Variants in SH2B2 observed in about 807,000 individuals in gnomAD.
The protein encoded by SH2B2 is SH2B adapter protein 2.
A neutral mutation model predicts 35.7 loss-of-function variants in SH2B2; 37 were observed. The ratio of observed to expected loss-of-function variants is 1.04; its 90% CI spans 0.80 to 1.36. The LOEUF is 1.36. Ranked by LOEUF, SH2B2 falls within the 40% of genes most tolerant of loss-of-function variation. The probability of loss-of-function intolerance (pLI) is 0.00; values close to 1 mark genes in which losing one functional copy is unlikely to be tolerated. For missense variants in SH2B2, 852 were observed against 817.7 expected (o/e 1.04, Z -0.51); for synonymous variants, 383 against 376.4 (o/e 1.02, Z -0.20).
intron 1 of SH2B2, among the ~76,000 whole-genome samples, chr7:102,288,581 A>G (rs782647867): frequency 7.2e-5 from 11 of 152,066 alleles, no homozygotes; most frequent in Non-Finnish European, 1.3e-4. Context: ...CTTAGCGTGA[A>G]TCTCCTAGGG....
chr7:102,305,890 TTTC>T (rs1265035584), intron 2 of SH2B2, among the ~76,000 whole-genome samples: 1 of 144,278 alleles, frequency 6.9e-6, no homozygotes, highest in African/African-American at 2.8e-5. Flanking sequence ...CTTTTTTTTT[TTTC>T]TTTTTTTTTT....
chr7:102,287,832 C>T (rs1792515343), intron 1 of SH2B2, among the ~76,000 whole-genome samples: 1 of 152,180 alleles, frequency 6.6e-6, no homozygotes, highest in Non-Finnish European at 1.5e-5. Context: ...GAAGTGGGGG[C>T]CTTCAGGGAG....
intron 3 of SH2B2, 44 bp from the exon 4 acceptor site, chr7:102,308,771 A>G (rs782238254): frequency 2.8e-6 from 4 of 1,453,484 alleles, no homozygotes; most frequent in Non-Finnish European, 3.9e-6. Flanking sequence ...TCTGGAGCCC[A>G]TCTGCTGACC....
intron 1 of SH2B2, among the ~76,000 whole-genome samples, chr7:102,299,758 G>A (rs1055126197): frequency 1.5e-4 from 23 of 152,206 alleles, no homozygotes; most frequent in African/African-American, 4.8e-4. Flanking sequence ...CACTGAGGAA[G>A]TGAGGTCACC....
chr7:102,319,160 C>G (rs147346935), intron 7 of SH2B2, among the ~76,000 whole-genome samples: 1,992 of 152,340 alleles, frequency 0.013, 14 homozygotes, highest in Middle Eastern at 0.041. Context: ...ACTCTTTCCA[C>G]CTTCACAGAA....
chr7:102,285,259 G>A, upstream of SH2B2: 2 of 1,549,460 alleles, frequency 1.3e-6, no homozygotes, highest in Non-Finnish European at 1.7e-6. Context: ...TCTGAACCAG[G>A]TTAGTCCACC....
intron 1 of SH2B2, 71 bp downstream of exon 1, chr7:102,287,165 C>T (rs1346709628): frequency 6.6e-6 from 1 of 152,224 alleles, no homozygotes; most frequent in Non-Finnish European, 1.5e-5. Context: ...TCCCCGGGGA[C>T]GTGCGCTGTG....
At position 102,301,073 on chromosome 7, in the gene SH2B2, T is replaced by C; in HGVS notation, c.523T>C (p.Trp175Arg). ...GCGCACCGCCGAGCCCCGCGACAAG[T>C]GGACGCGGCGCCTGAGGCTGTCGCG... ...APRTAEPRDKWTRRLRLSRTL... is the reference protein window; with the variant it reads ...APRTAEPRDKRTRRLRLSRTL... Residue 175 changes from tryptophan to arginine, a missense_variant, in exon 2 of 9, where the codon TGG becomes CGG. Trp to Arg is a moderately radical substitution (Grantham distance 101). Coordinates refer to ENST00000444095, the MANE Select transcript of SH2B2 (RefSeq NM_001359228.2). 1.4e-6 allele frequency: 2 copies of C among 1,391,436 alleles called. No homozygotes were observed. Among genetic ancestry groups the C allele is most frequent in the East Asian group, 3.0e-5 (1 of 32,922 alleles). The allele number at this position is 1,391,436 out of a possible 1,614,324, so 86.2% of individuals were successfully genotyped here. A position where few individuals can be genotyped will look rare whatever the true frequency, so the allele number is the denominator to read the frequency against.
rs1554550975 is a variant in SH2B2, at chr7:102,286,939, G to C, written c.-185G>C. The C allele has an allele frequency of 2.7e-5, 4 of 149,288 alleles. No individual in the cohort carries two copies. The highest frequency in any genetic ancestry group is 4.1e-4 in the South Asian group (2 of 4,824). The allele number at this position is 149,288 out of a possible 1,614,324, so 9.2% of individuals were successfully genotyped here. Reference sequence around the variant, plus strand: ...GAGAGCCGCGCGGGGGACGCGCCGGGACCGCGAGGAGCGCAGGAGCCTTCG... The same window carrying C: ...GAGAGCCGCGCGGGGGACGCGCCGGCACCGCGAGGAGCGCAGGAGCCTTCG... On this transcript the variant is annotated 5_prime_UTR_variant, in exon 1 of 9. Transcript: ENST00000444095.
Position 102,306,755 on chromosome 7 carries a change from C to T in SH2B2, c.764C>T (p.Ala255Val). The stretch of plus-strand genomic sequence containing the variant: ...CCCAAGGTCAGCATCCCACTGTCAG[C>T]CATCATTGAGGTCCGCACCACCATG... Reference protein sequence around the residue: ...SRPKVSIPLSAIIEVRTTMPL... With the variant: ...SRPKVSIPLSVIIEVRTTMPL... Residue 255 changes from alanine to valine, a missense_variant, in exon 3 of 9, where the codon GCC becomes GTC. Ala to Val is a moderately conservative substitution (Grantham distance 64, BLOSUM62 0). Coordinates refer to ENST00000444095, the MANE Select transcript of SH2B2 (RefSeq NM_001359228.2). 6.2e-7 allele frequency: 1 copy of T among 1,600,740 alleles called. No individual in the cohort carries two copies. Among genetic ancestry groups the T allele is most frequent in the East Asian group, 2.3e-5 (1 of 44,240 alleles).
At chr7:102,308,005 A>AG (rs1382310915) in intron 3 of SH2B2, among the ~76,000 whole-genome samples, 2 of 152,160 alleles carry the variant, frequency 1.3e-5, no homozygotes, top group Admixed American at 1.3e-4. Flanking sequence ...TCCTGAGCTC[A>AG]GGAGATCTGC....
Position 102,314,628 on chromosome 7 carries a change from T to C in SH2B2, c.1132T>C (p.Phe378Leu). The C allele has an allele frequency of 2.5e-6, 1 of 398,578 alleles. No homozygotes were observed. The allele number at this position is 398,578 out of a possible 1,614,324, so 24.7% of individuals were successfully genotyped here. A position where few individuals can be genotyped will look rare whatever the true frequency, so the allele number is the denominator to read the frequency against. The change falls in exon 6 of 9, where the codon TTT (phenylalanine) becomes CTT (leucine). Residue 378 changes from phenylalanine (F) to leucine (L), a missense_variant. This residue lies in a region of SH2B2 where 556 missense variants were observed against 514.5 expected (regional missense o/e 1.08). Coordinates refer to ENST00000444095, the MANE Select transcript of SH2B2 (RefSeq NM_001359228.2). ...ESLIHVPLET[F>L]LQTLESPGGS... is the part of the protein sequence containing the mutation. ...CCTGATCCACGTCCCGCTAGAGACC[T>C]TTCTGCAGACCCTGGAATCCCCGGG...
chr7:102,292,411 G>A (rs537181365), intron 1 of SH2B2, among the ~76,000 whole-genome samples: 1 of 151,856 alleles, frequency 6.6e-6, no homozygotes, highest in South Asian at 2.1e-4. Flanking sequence ...CGCACCTATA[G>A]TCCCAGCTAC....
chr7:102,292,928 T>C (rs1792731589), intron 1 of SH2B2, among the ~76,000 whole-genome samples: 2 of 152,112 alleles, frequency 1.3e-5, no homozygotes, highest in African/African-American at 4.8e-5. Context: ...CATAGCTAGT[T>C]TGACCTGTGG....
chr7:102,318,149 G>GTT (rs1235551445), intron 7 of SH2B2, among the ~76,000 whole-genome samples: 1 of 151,164 alleles, frequency 6.6e-6, no homozygotes, highest in Admixed American at 6.6e-5. Flanking sequence ...TTTTGTTTTT[G>GTT]TTTTTTTTTG....
At chr7:102,301,343 A>G in intron 2 of SH2B2, 64 bp downstream of exon 2, 1 of 1,510,130 alleles carries the variant, frequency 6.6e-7, no homozygotes, top group Non-Finnish European at 8.9e-7. Flanking sequence ...GCAGCAGCTG[A>G]GGGTGCCAGG....
intron 2 of SH2B2, among the ~76,000 whole-genome samples, chr7:102,303,131 C>A (rs773051281): frequency 6.6e-6 from 1 of 151,698 alleles, no homozygotes; most frequent in Non-Finnish European, 1.5e-5. Flanking sequence ...GCAGGAGAAT[C>A]ACTTCAACCC....
chr7:102,287,958 G>A (rs999388494), intron 1 of SH2B2, among the ~76,000 whole-genome samples: 1 of 152,206 alleles, frequency 6.6e-6, no homozygotes, highest in Non-Finnish European at 1.5e-5. Flanking sequence ...GCTAGTGCAA[G>A]GGAGAGCCTC....
intron 1 of SH2B2, among the ~76,000 whole-genome samples, chr7:102,296,229 C>G (rs1304988588): frequency 6.6e-6 from 1 of 152,178 alleles, no homozygotes; most frequent in Non-Finnish European, 1.5e-5. Context: ...CCAGAGGCCT[C>G]GCAGATGATC....
Sources: gnomAD v4.1 joint callset for allele counts (sites outside exome capture counted in the v4.1 genomes callset) on GRCh38, gnomAD v4.1.1 for gene constraint, gnomAD v4.1.1 regional missense constraint, MANE v1.5 for transcripts, NCBI Gene and HGNC (gene_info 2026-07-23, HGNC 2026-07-21) for gene names.